The following GRM1 variants were observed in gnomAD, a reference collection of about 807,000 sequenced individuals.
GRM1 encodes metabotropic glutamate receptor 1.
Under a neutral mutation model 90.9 loss-of-function variants are expected in GRM1, and 33 were observed. That is an observed-to-expected ratio of 0.36 (90% CI 0.28 to 0.49). The LOEUF (loss-of-function observed/expected upper bound fraction) is 0.49. Ranked by LOEUF, GRM1 falls within the 20% of genes least tolerant of loss-of-function variation. GRM1 has a pLI of 0.99. For synonymous variants in GRM1, 700 were observed against 613.2 expected, an observed-to-expected ratio of 1.14 and a Z score of -2.09; for missense variants, 1,190 against 1,534.3, an observed-to-expected ratio of 0.78 and a Z score of 3.75.
chr6:146,401,074 G>T (rs1486301401), intron 7 of GRM1, among the ~76,000 whole-genome samples: 1 of 151,860 alleles, frequency 6.6e-6, no homozygotes, highest in Non-Finnish European at 1.5e-5. Flanking sequence ...AAATTTCTTG[G>T]TTTTTGTATC....
At chr6:146,330,525 G>A (rs1348152052) in intron 3 of GRM1, among the ~76,000 whole-genome samples, 1 of 151,914 alleles carries the variant, frequency 6.6e-6, no homozygotes, top group Non-Finnish European at 1.5e-5. Flanking sequence ...ATCCAGTCTT[G>A]TAATCTAAAT....
intron 2 of GRM1, among the ~76,000 whole-genome samples, chr6:146,162,616 GC>G (rs1179355362): frequency 6.6e-6 from 1 of 152,094 alleles, no homozygotes; most frequent in Non-Finnish European, 1.5e-5. Flanking sequence ...CACCTCACAT[GC>G]CTAATGCCTT....
intron 1 of GRM1, among the ~76,000 whole-genome samples, chr6:146,115,121 G>C (rs867785996): frequency 6.7e-4 from 102 of 151,860 alleles, no homozygotes; most frequent in Middle Eastern, 6.8e-3. Flanking sequence ...AAAAGTAATT[G>C]CTTTTGACTT....
intron 3 of GRM1, among the ~76,000 whole-genome samples, chr6:146,347,560 T>C (rs1785228227): frequency 6.6e-6 from 1 of 151,864 alleles, no homozygotes; most frequent in Admixed American, 6.6e-5. Context: ...CAACAAACAA[T>C]TAAAAAATAA....
intron 1 of GRM1, among the ~76,000 whole-genome samples, chr6:146,064,721 G>A (rs1775787218): frequency 6.7e-6 from 1 of 149,044 alleles, no homozygotes; most frequent in South Asian, 2.1e-4. Flanking sequence ...AACCCGAGAG[G>A]TGGAGCTTGC....
intron 3 of GRM1, among the ~76,000 whole-genome samples, chr6:146,330,697 T>G (rs1017553218): frequency 1.3e-5 from 2 of 152,234 alleles, no homozygotes; most frequent in African/African-American, 4.8e-5. Flanking sequence ...GTTGCTTTGT[T>G]TTAAATTCTT....
At chr6:146,197,604 G>T (rs1412225839) in intron 2 of GRM1, among the ~76,000 whole-genome samples, 2 of 152,182 alleles carry the variant, frequency 1.3e-5, no homozygotes, top group African/African-American at 4.8e-5. Context: ...TGTTCTGTGG[G>T]ATGTCCAGAC....
At chr6:146,369,650 T>G (rs1227085587) in intron 5 of GRM1, among the ~76,000 whole-genome samples, 1 of 152,070 alleles carries the variant, frequency 6.6e-6, no homozygotes, top group Non-Finnish European at 1.5e-5. Context: ...TGTTATTGAT[T>G]TCTGGTTTTA....
chr6:146,101,693 C>A (rs1405502674), intron 1 of GRM1, among the ~76,000 whole-genome samples: 1 of 151,776 alleles, frequency 6.6e-6, no homozygotes, highest in Non-Finnish European at 1.5e-5. Context: ...TGCTATAATG[C>A]TAAAAGTATT....
rs1218358999 is a variant in GRM1, at chr6:146,435,688, G to A, written c.*892G>A. 6.6e-6 allele frequency: 1 copy of A among 152,510 alleles called. No individual in the cohort carries two copies. The highest frequency in any genetic ancestry group is 1.5e-5 in the Non-Finnish European group (1 of 68,008). 9.4% of individuals were successfully genotyped at this position (152,510 alleles called of 1,614,324 possible). ...TTATTGGCGATTTGGGGAAAAGGCC[G>A]GAACAAGAGATTGTTACGAGAGTGG... On this transcript the variant is annotated 3_prime_UTR_variant, in exon 8 of 8. Coordinates refer to ENST00000282753, the MANE Select transcript of GRM1 (RefSeq NM_001278064.2).
intron 2 of GRM1, among the ~76,000 whole-genome samples, chr6:146,260,018 T>A (rs1042057238): frequency 4.7e-5 from 7 of 150,410 alleles, no homozygotes; most frequent in Non-Finnish European, 8.9e-5. Flanking sequence ...TTTTTATTAT[T>A]TTTTATTATA....
At chr6:146,109,675 C>T (rs1775474635) in intron 1 of GRM1, among the ~76,000 whole-genome samples, 1 of 152,130 alleles carries the variant, frequency 6.6e-6, no homozygotes, top group Admixed American at 6.6e-5. Flanking sequence ...ATGATAGATC[C>T]ACTGACAGCT....
At chr6:146,239,149 A>G (rs1780759977) in intron 2 of GRM1, among the ~76,000 whole-genome samples, 1 of 152,170 alleles carries the variant, frequency 6.6e-6, no homozygotes, top group Non-Finnish European at 1.5e-5. Flanking sequence ...GAAAGGTATC[A>G]GCTCCTCTCA....
chr6:146,434,501 A>G lies in GRM1; in HGVS notation c.3290A>G (p.Asp1097Gly), dbSNP rs1443051794. Reference protein sequence around the residue: ...EELVSPPADDDDDSERFKLLQ... With the variant: ...EELVSPPADDGDDSERFKLLQ... The stretch of plus-strand genomic sequence containing the variant: ...CTGGTCTCCCCGCCCGCGGACGACG[A>G]CGACGACAGCGAGAGGTTTAAGCTC... Residue 1097 changes from aspartate to glycine, a missense_variant, in exon 8 of 8, where the codon GAC becomes GGC. Asp to Gly is a moderately conservative substitution (Grantham distance 94, BLOSUM62 -1). This residue lies in a region of GRM1 where 400 missense variants were observed against 360.8 expected (regional missense o/e 1.11). Transcript: ENST00000282753. 12 of 1,614,088 alleles carry G rather than the reference A, an allele frequency of 7.4e-6. No homozygotes were observed. In the South Asian group the frequency reaches 1.2e-4, roughly 16 times the overall value.
chr6:146,061,788 CAAT>C (rs1390504570), intron 1 of GRM1, among the ~76,000 whole-genome samples: 4 of 151,880 alleles, frequency 2.6e-5, no homozygotes, highest in African/African-American at 9.7e-5. Flanking sequence ...AAATCGAAAA[CAAT>C]GAGATACCAT....
chr6:146,331,330 T>A (rs362978), intron 3 of GRM1, among the ~76,000 whole-genome samples: 1 of 152,112 alleles, frequency 6.6e-6, no homozygotes, highest in South Asian at 2.1e-4. Context: ...GAGAACACAT[T>A]AGGGAAGAAA....
At chr6:146,413,325 C>G (rs1777636445) in intron 7 of GRM1, among the ~76,000 whole-genome samples, 1 of 151,944 alleles carries the variant, frequency 6.6e-6, no homozygotes, top group Non-Finnish European at 1.5e-5. Flanking sequence ...TCTATAAAGT[C>G]TAGTGATTTT....
At chr6:146,101,302 T>A (rs961561015) in intron 1 of GRM1, among the ~76,000 whole-genome samples, 7 of 152,236 alleles carry the variant, frequency 4.6e-5, no homozygotes, top group Non-Finnish European at 1.0e-4. Context: ...TTGTCATTGA[T>A]CATAGCTCAT....
rs1053784856 is a variant in GRM1, at chr6:146,138,616, T to G, written c.701-20732T>G. 2.6e-5 allele frequency among the ~76,000 whole-genome samples: 4 copies of G among 152,236 alleles called. No homozygotes were observed. The East Asian group carries it at 7.7e-4, about 29-fold the overall frequency. On this transcript the variant is annotated intron_variant, in intron 1 of 7. Transcript: ENST00000282753. ...TGGTTCAATCTTGGTGGGTTGTATG[T>G]GTCTAGGAATTTATTTATTTCTTCT...
Sources: allele counts gnomAD v4.1 joint callset (sites outside exome capture counted in the v4.1 genomes callset), GRCh38; gene constraint gnomAD v4.1.1; regional missense constraint gnomAD v4.1.1; transcripts MANE v1.5; gene names NCBI Gene and HGNC (gene_info 2026-07-23, HGNC 2026-07-21).